TIAM1: variants seen among roughly 807,000 people sequenced by gnomAD.
TIAM1 encodes rho guanine nucleotide exchange factor TIAM1.
Under a neutral mutation model 163.5 loss-of-function variants are expected in TIAM1, and 65 were observed. That is an observed-to-expected ratio of 0.40 (90% CI 0.33 to 0.49). The LOEUF is 0.49. TIAM1 is among the 20% of genes least tolerant of loss of function. TIAM1 has a pLI of 0.77. For missense variants in TIAM1, 1,789 were observed against 2,044.7 expected, an observed-to-expected ratio of 0.87 and a Z score of 2.41; for synonymous variants, 833 against 810.1, an observed-to-expected ratio of 1.03 and a Z score of -0.48.
upstream of TIAM1, among the ~76,000 whole-genome samples, chr21:31,344,951 A>C: frequency 6.6e-6 from 1 of 152,178 alleles, no homozygotes; most frequent in East Asian, 1.9e-4. Context: ...CAGTTTCTAA[A>C]AATGTGAAAG....
intron 2 of TIAM1, among the ~76,000 whole-genome samples, chr21:31,383,383 A>C (rs1326364283): frequency 6.6e-6 from 1 of 152,190 alleles, no homozygotes; most frequent in African/African-American, 2.4e-5. Flanking sequence ...GGATTGTGCA[A>C]AATGATGTTC....
Position 31,127,157 on chromosome 21 carries a change from A to G in TIAM1, c.4046-5T>C, listed in dbSNP as rs1263482490. 1 of 1,613,316 alleles carries G rather than the reference A, an allele frequency of 6.2e-7. No homozygotes were observed. The highest frequency in any genetic ancestry group is 2.2e-5 in the East Asian group (1 of 44,872). Reference sequence around the variant, plus strand: ...ACACGGCATTTGCCTCTGCATCTAAAGAAATTAAAACAACAATGAATCAGG... The same window carrying G: ...ACACGGCATTTGCCTCTGCATCTAAGGAAATTAAAACAACAATGAATCAGG... On this transcript the variant is annotated splice_polypyrimidine_tract_variant and splice_region_variant and intron_variant, in intron 25 of 27. Coordinates refer to ENST00000541036, the MANE Select transcript of TIAM1 (RefSeq NM_001353694.2).
intron 25 of TIAM1, 95 bp downstream of exon 25, chr21:31,130,114 ACGGT>A: frequency 2.3e-6 from 2 of 888,494 alleles, no homozygotes; most frequent in Non-Finnish European, 3.4e-6. Context: ...AAAAAAAAAG[ACGGT>A]AGAAGAGTTA....
chr21:31,240,255 T>C (rs2071095605), intron 6 of TIAM1, among the ~76,000 whole-genome samples: 1 of 152,152 alleles, frequency 6.6e-6, no homozygotes, highest in Admixed American at 6.5e-5. Flanking sequence ...CAAAGAGCCA[T>C]TCCTTCACAA....
At chr21:31,261,865 G>C (rs1048151501) in intron 4 of TIAM1, among the ~76,000 whole-genome samples, 1 of 152,084 alleles carries the variant, frequency 6.6e-6, no homozygotes, top group Non-Finnish European at 1.5e-5. Context: ...TCCGAGAGCC[G>C]GGCTCCTTGC....
intron 19 of TIAM1, among the ~76,000 whole-genome samples, chr21:31,152,422 C>G (rs769468745): frequency 1.3e-5 from 2 of 152,176 alleles, no homozygotes; most frequent in African/African-American, 4.8e-5. Flanking sequence ...CTTCTTCTCA[C>G]GTAAAAGCCA....
rs2086993115 is a variant in TIAM1 at position 31,213,405 on chromosome 21, T to C, written c.2210A>G (p.Asp737Gly). The change falls in exon 10 of 28, where the codon GAT becomes GGT. Residue 737 changes from aspartate to glycine, a missense_variant. By Grantham distance (94) the Asp-to-Gly change is moderately conservative. Coordinates refer to ENST00000541036, the MANE Select transcript of TIAM1 (RefSeq NM_001353694.2). Reference protein sequence around the residue: ...LEGIFDDIVPDGKREKEVVLP... With the variant: ...LEGIFDDIVPGGKREKEVVLP... Reference sequence around the variant, plus strand: ...ACACACGTTTATTTTTACCTTGCCATCTGGAACAATGTCATCAAATATTCC... The same window carrying C: ...ACACACGTTTATTTTTACCTTGCCACCTGGAACAATGTCATCAAATATTCC... 6.2e-7 allele frequency: 1 copy of C among 1,608,812 alleles called. No homozygotes were observed. Among genetic ancestry groups the C allele is most frequent in the Non-Finnish European group, 8.5e-7 (1 of 1,179,030 alleles).
chr21:31,193,224 G>T (rs1024475385), intron 13 of TIAM1, among the ~76,000 whole-genome samples: 7 of 152,320 alleles, frequency 4.6e-5, no homozygotes, highest in Non-Finnish European at 1.0e-4. Flanking sequence ...CGAAAGGCCC[G>T]CTTACAAATT....
At chr21:31,268,883 A>C (rs1037271631) in intron 3 of TIAM1, among the ~76,000 whole-genome samples, 1 of 152,204 alleles carries the variant, frequency 6.6e-6, no homozygotes, top group Non-Finnish European at 1.5e-5. Context: ...TAAAGTACAT[A>C]TTAAGATACC....
chr21:31,180,930 T>G (rs926638507), intron 15 of TIAM1, among the ~76,000 whole-genome samples: 1 of 152,220 alleles, frequency 6.6e-6, no homozygotes, highest in East Asian at 1.9e-4. Flanking sequence ...AAGGAGCCAA[T>G]GGACAAAAGA....
chr21:31,152,773 A>G lies in TIAM1; in HGVS notation c.3241-12T>C. ...AAAAGCACGTCAAGCTAGAAATAAAACAGAATTTAATGCACCTCATATCTC... is the reference window on the plus strand; with the variant it reads ...AAAAGCACGTCAAGCTAGAAATAAAGCAGAATTTAATGCACCTCATATCTC... On this transcript the variant is annotated splice_polypyrimidine_tract_variant and intron_variant, in intron 18 of 27. Coordinates refer to ENST00000541036, the MANE Select transcript of TIAM1 (RefSeq NM_001353694.2). 1 of 1,613,580 alleles carries G rather than the reference A, an allele frequency of 6.2e-7. No individual in the cohort carries two copies. The highest frequency in any genetic ancestry group is 8.5e-7 in the Non-Finnish European group (1 of 1,179,816).
At chr21:31,250,502 T>C (rs1052131683) in intron 5 of TIAM1, among the ~76,000 whole-genome samples, 1 of 152,368 alleles carries the variant, frequency 6.6e-6, no homozygotes, top group East Asian at 1.9e-4. Context: ...GCATAGGCAT[T>C]TGTGTTCACC....
rs1311584430 is a variant in TIAM1 at position 31,130,875 on chromosome 21, C to T, written c.3942+15G>A. 1 of 1,612,378 alleles carries T rather than the reference C, an allele frequency of 6.2e-7. No homozygotes were observed. Among genetic ancestry groups the T allele is most frequent in the Admixed American group, 1.7e-5 (1 of 60,004 alleles). On this transcript the variant is annotated intron_variant, in intron 24 of 27. Transcript: ENST00000541036. ...GAAATAGTTTCAAACCATGGGGTAA[C>T]ATAAGATGTCTTACAAGTTTCTTCT...
At chr21:31,478,629 G>A (rs991552506) in intron 1 of TIAM1, among the ~76,000 whole-genome samples, 2 of 151,756 alleles carry the variant, frequency 1.3e-5, no homozygotes, top group Non-Finnish European at 2.9e-5. Context: ...TTCTTTTTTT[G>A]TCTTTTTTGT....
At chr21:31,479,238 A>C (rs1462674316) in intron 1 of TIAM1, among the ~76,000 whole-genome samples, 1 of 152,172 alleles carries the variant, frequency 6.6e-6, no homozygotes, top group East Asian at 1.9e-4. Flanking sequence ...TTAAAAAGCC[A>C]CTTCCCCTCT....
intron 1 of TIAM1, among the ~76,000 whole-genome samples, chr21:31,537,906 C>A (rs1202097814): frequency 6.6e-6 from 1 of 152,084 alleles, no homozygotes; most frequent in Non-Finnish European, 1.5e-5. Context: ...TTTATCCAAA[C>A]AAAGAAAACT....
At chr21:31,137,007 C>T (rs566462886) in intron 22 of TIAM1, among the ~76,000 whole-genome samples, 11 of 152,356 alleles carry the variant, frequency 7.2e-5, no homozygotes, top group East Asian at 5.8e-4. Context: ...AGCGGTCACA[C>T]GCTAAACTGT....
intron 1 of TIAM1, among the ~76,000 whole-genome samples, chr21:31,486,228 G>A (rs185729376): frequency 2.1e-4 from 32 of 152,334 alleles, no homozygotes; most frequent in African/African-American, 6.3e-4. Flanking sequence ...GCACTGGAAC[G>A]CAGGACACTT....
chr21:31,552,048 C>CTTTTTTTT (rs200300720), intron 1 of TIAM1, among the ~76,000 whole-genome samples: 3 of 80,116 alleles, frequency 3.7e-5, no homozygotes, highest in Non-Finnish European at 6.5e-5. Context: ...CTCTGCACTA[C>CTTTTTTTT]TTTTTTTTTT....
Sources: allele counts gnomAD v4.1 joint callset (sites outside exome capture counted in the v4.1 genomes callset), GRCh38; gene constraint gnomAD v4.1.1; transcripts MANE v1.5; gene names NCBI Gene and HGNC (gene_info 2026-07-23, HGNC 2026-07-21).